RGS9: variants seen among roughly 807,000 people sequenced by gnomAD.
RGS9 encodes the protein regulator of G-protein signalling 9.
A neutral mutation model predicts 102.0 loss-of-function variants in RGS9; 78 were observed. The observed-to-expected ratio is 0.76, with a 90% CI of 0.64 to 0.92. The LOEUF (loss-of-function observed/expected upper bound fraction) is 0.92, where lower values mean the gene tolerates loss of function less well. RGS9 is among the 40% of genes least tolerant of loss of function. The pLI is 0.00. For synonymous variants in RGS9, 353 were observed against 318.6 expected (o/e 1.11, Z -1.15); for missense variants, 833 against 866.1 (o/e 0.96, Z 0.48).
At chr17:65,224,461 G>T (rs1362569751) in intron 17 of RGS9, among the ~76,000 whole-genome samples, 1 of 152,220 alleles carries the variant, frequency 6.6e-6, no homozygotes, top group Non-Finnish European at 1.5e-5. Flanking sequence ...CCAAAAGGGT[G>T]GTCACTGTGG....
chr17:65,165,678 C>G (rs955184707), intron 7 of RGS9, among the ~76,000 whole-genome samples: 5 of 152,176 alleles, frequency 3.3e-5, no homozygotes, highest in South Asian at 2.1e-4. Flanking sequence ...ACCAAACTCA[C>G]CGTCACCTGA....
chr17:65,170,095 C>G (rs142802997), intron 8 of RGS9, among the ~76,000 whole-genome samples: 4,237 of 147,960 alleles, frequency 0.029, 201 homozygotes, highest in African/African-American at 0.099. Flanking sequence ...TGCTCTGTCA[C>G]CCAGGCTGGA....
Position 65,219,847 on chromosome 17 carries a change from A to AC in RGS9, c.1408-5153dup, listed in dbSNP as rs1314683817. 5.9e-5 allele frequency among the ~76,000 whole-genome samples: 9 copies of AC among 152,014 alleles called. No homozygotes were observed. In the East Asian group the frequency reaches 1.7e-3, roughly 29 times the overall value. On this transcript the variant is annotated intron_variant, in intron 17 of 18. Coordinates refer to ENST00000262406, the MANE Select transcript of RGS9 (RefSeq NM_003835.4). ...CACTATCACCATTATCACCATCACC[A>AC]CCATCACCATCACTATCACCATCAT...
intron 8 of RGS9, among the ~76,000 whole-genome samples, chr17:65,175,247 G>A (rs555198004): frequency 6.6e-6 from 1 of 152,100 alleles, no homozygotes; most frequent in African/African-American, 2.4e-5. Flanking sequence ...GTGTGAGTGT[G>A]CATATGTATG....
At chr17:65,217,311 C>T (rs572810514) in intron 17 of RGS9, among the ~76,000 whole-genome samples, 1 of 152,310 alleles carries the variant, frequency 6.6e-6, no homozygotes, top group African/African-American at 2.4e-5. Context: ...CCTGGGAGTC[C>T]CTCCTGGCCC....
Position 65,225,370 on chromosome 17 carries a change from C to T in RGS9, c.1776C>T (p.Ala592=). The stretch of plus-strand genomic sequence containing the variant: ...GGTTTCTGAGACGAGGCTGTCTGGC[C>T]TCACCTGTCTTTGCCAGGCTCTCAC... The part of the protein sequence containing the change: ...FSRFLRRGCL[A]SPVFARLSPK... The change falls in exon 18 of 19, where the codon GCC becomes GCT. Residue 592 remains alanine (A), a synonymous_variant. Transcript: ENST00000262406. 2 of 1,612,000 alleles carry T rather than the reference C, an allele frequency of 1.2e-6. No homozygotes were observed. Among genetic ancestry groups the T allele is most frequent in the Admixed American group, 1.7e-5 (1 of 60,032 alleles).
In RGS9 at chr17:65,211,632, T is replaced by C. The variant is rs1317263082; in HGVS notation, c.1407+1027T>C. 2.0e-5 allele frequency among the ~76,000 whole-genome samples: 3 copies of C among 152,034 alleles called. No homozygotes were observed. In the East Asian group the frequency reaches 5.8e-4, roughly 29 times the overall value. On this transcript the variant is annotated intron_variant, in intron 17 of 18. Transcript: ENST00000262406. ...AACTGACCTTGGGGGGTTTAGAAGGTCATTCTCGAAGTTAGGCTCACTCCT... is the reference window on the plus strand; with the variant it reads ...AACTGACCTTGGGGGGTTTAGAAGGCCATTCTCGAAGTTAGGCTCACTCCT...
At chr17:65,157,534 C>T (rs1598568157) in intron 2 of RGS9, among the ~76,000 whole-genome samples, 1 of 152,006 alleles carries the variant, frequency 6.6e-6, no homozygotes, top group Admixed American at 6.6e-5. Flanking sequence ...CTCCTGGCCT[C>T]TGAGCCCGCC....
At chr17:65,159,900 G>A (rs910432576) in intron 3 of RGS9, among the ~76,000 whole-genome samples, 1 of 152,198 alleles carries the variant, frequency 6.6e-6, no homozygotes, top group African/African-American at 2.4e-5. Context: ...CAGACCCAAA[G>A]GGCCTATAGA....
intron 14 of RGS9, 111 bp from the exon 15 acceptor site, chr17:65,204,052 C>T (rs1912951873): frequency 7.6e-7 from 1 of 1,317,828 alleles, no homozygotes; most frequent in Admixed American, 1.8e-5. Flanking sequence ...AAACCACCAC[C>T]CTCACCCTCG....
At position 65,189,273 on chromosome 17, in the gene RGS9, CT is replaced by C; in HGVS notation, c.655-10del. Reference sequence around the variant, plus strand: ...TGACATCTGCCTAACGGTTTTGTTTCTTTGTCTTACAGAAACAAACAGTCGT... The same window carrying C: ...TGACATCTGCCTAACGGTTTTGTTTCTTGTCTTACAGAAACAAACAGTCGT... On this transcript the variant is annotated splice_polypyrimidine_tract_variant and intron_variant, in intron 9 of 18. Coordinates refer to ENST00000262406, the MANE Select transcript of RGS9 (RefSeq NM_003835.4). 1 of 1,609,700 alleles carries C rather than the reference CT, an allele frequency of 6.2e-7. No homozygotes were observed. Among genetic ancestry groups the C allele is most frequent in the Non-Finnish European group, 8.5e-7 (1 of 1,176,240 alleles).
chr17:65,184,103 G>A (rs1365418645), intron 9 of RGS9, among the ~76,000 whole-genome samples: 1 of 152,210 alleles, frequency 6.6e-6, no homozygotes, highest in Non-Finnish European at 1.5e-5. Flanking sequence ...AAGGAGGGAA[G>A]TTGTGTGTGA....
chr17:65,194,378 G>C lies in RGS9; in HGVS notation c.860+722G>C, dbSNP rs1224784307. Among the ~76,000 whole-genome samples the C allele has an allele frequency of 2.6e-5, 4 of 152,114 alleles. No individual in the cohort carries two copies. In the South Asian group the frequency reaches 6.2e-4, roughly 24 times the overall value. On this transcript the variant is annotated intron_variant, in intron 12 of 18. Transcript: ENST00000262406. Reference sequence around the variant, plus strand: ...TATGAACATTCGTGGGCAGGTTTTTGTGTGGGCATATTTTCATTTCTCTCG... The same window carrying C: ...TATGAACATTCGTGGGCAGGTTTTTCTGTGGGCATATTTTCATTTCTCTCG...
At chr17:65,218,837 C>A (rs540123429) in intron 17 of RGS9, among the ~76,000 whole-genome samples, 3 of 152,346 alleles carry the variant, frequency 2.0e-5, no homozygotes, top group Admixed American at 2.0e-4. Context: ...TATTCAGCAC[C>A]TGTTACATGC....
chr17:65,182,860 GT>G (rs1421860796), intron 9 of RGS9, among the ~76,000 whole-genome samples: 2 of 152,166 alleles, frequency 1.3e-5, no homozygotes. Context: ...TTGATTTAAT[GT>G]TCTGTTACCA....
chr17:65,194,751 G>C (rs76448878), intron 12 of RGS9, among the ~76,000 whole-genome samples: 15,241 of 152,168 alleles, frequency 0.1, 1,381 homozygotes, highest in African/African-American at 0.24. Context: ...CAGGGGAGAA[G>C]GGACAGGCCT....
At chr17:65,161,626 C>G (rs1043597553) in intron 6 of RGS9, among the ~76,000 whole-genome samples, 1 of 151,960 alleles carries the variant, frequency 6.6e-6, no homozygotes, top group African/African-American at 2.4e-5. Context: ...TCCAGTTTCC[C>G]AAAGAACACA....
At chr17:65,187,251 G>A (rs1183367217) in intron 9 of RGS9, among the ~76,000 whole-genome samples, 1 of 152,136 alleles carries the variant, frequency 6.6e-6, no homozygotes, top group Admixed American at 6.6e-5. Context: ...AGATAGACCT[G>A]GTCCCCTGCC....
chr17:65,139,729 T>C (rs767605878), intron 1 of RGS9, among the ~76,000 whole-genome samples: 3 of 152,044 alleles, frequency 2.0e-5, no homozygotes, highest in Non-Finnish European at 2.9e-5. Context: ...CTACAGACCT[T>C]GCCACACCTC....
Sources: allele counts gnomAD v4.1 joint callset (sites outside exome capture counted in the v4.1 genomes callset), GRCh38; gene constraint gnomAD v4.1.1; transcripts MANE v1.5; gene names NCBI Gene and HGNC (gene_info 2026-07-23, HGNC 2026-07-21).